Variants in FSTL5 observed in about 807,000 individuals in gnomAD.
FSTL5 encodes follistatin-related protein 5.
Under a neutral mutation model 89.1 loss-of-function variants are expected in FSTL5, and 62 were observed. That is an observed-to-expected ratio of 0.70 (90% CI 0.57 to 0.86). FSTL5 has a LOEUF of 0.86. Ranked by LOEUF, FSTL5 falls within the 40% of genes least tolerant of loss-of-function variation. The pLI, the probability that FSTL5 is intolerant of heterozygous loss-of-function variation, is 0.00. For synonymous variants in FSTL5, 383 were observed against 346.2 expected (o/e 1.11, Z -1.18); for missense variants, 1,057 against 1,001.6 (o/e 1.06, Z -0.75).
chr4:161,455,549 A>G (rs1277881016), intron 14 of FSTL5, among the ~76,000 whole-genome samples: 2 of 152,116 alleles, frequency 1.3e-5, no homozygotes, highest in Admixed American at 6.6e-5. Context: ...CATATGAAAC[A>G]TTTTAAATTT....
chr4:161,571,849 C>T (rs748069810), intron 8 of FSTL5, among the ~76,000 whole-genome samples: 2 of 152,120 alleles, frequency 1.3e-5, no homozygotes, highest in African/African-American at 4.8e-5. Context: ...CAAGAGGCAT[C>T]GTGAGTGTCT....
intron 8 of FSTL5, among the ~76,000 whole-genome samples, chr4:161,585,211 T>C (rs555212786): frequency 6.6e-6 from 1 of 152,292 alleles, no homozygotes; most frequent in African/African-American, 2.4e-5. Context: ...TTCATGGGTT[T>C]CCCAGCTGGA....
intron 15 of FSTL5, among the ~76,000 whole-genome samples, chr4:161,431,376 A>G (rs1732362045): frequency 6.6e-6 from 1 of 152,102 alleles, no homozygotes; most frequent in Non-Finnish European, 1.5e-5. Context: ...TTATGTAGTC[A>G]GTATTAAATA....
intron 15 of FSTL5, among the ~76,000 whole-genome samples, chr4:161,450,158 A>G (rs1158242595): frequency 6.6e-6 from 1 of 152,126 alleles, no homozygotes; most frequent in East Asian, 1.9e-4. Flanking sequence ...TCATTGCTTA[A>G]TGTCTGCTAC....
At chr4:161,425,928 G>A (rs1205889698) in intron 15 of FSTL5, among the ~76,000 whole-genome samples, 3 of 149,962 alleles carry the variant, frequency 2.0e-5, no homozygotes, top group African/African-American at 7.4e-5. Context: ...TAAAGGTGCT[G>A]TAGGGATTTT....
At chr4:162,123,242 C>T (rs1020783515) in intron 1 of FSTL5, among the ~76,000 whole-genome samples, 2 of 152,104 alleles carry the variant, frequency 1.3e-5, no homozygotes, top group African/African-American at 4.8e-5. Flanking sequence ...ACTTAATTTC[C>T]TCTGTATTTA....
chr4:161,930,457 T>C (rs1400701157), intron 3 of FSTL5, among the ~76,000 whole-genome samples: 1 of 151,948 alleles, frequency 6.6e-6, no homozygotes, highest in Non-Finnish European at 1.5e-5. Context: ...CAAAGCACTA[T>C]GCTTCCATGA....
intron 13 of FSTL5, among the ~76,000 whole-genome samples, chr4:161,477,584 C>A (rs1477671657): frequency 6.6e-6 from 1 of 151,382 alleles, no homozygotes; most frequent in Non-Finnish European, 1.5e-5. Flanking sequence ...TTTTCCTTCT[C>A]TTTTCCTAAA....
At chr4:161,801,763 T>G (rs1729801265) in intron 4 of FSTL5, among the ~76,000 whole-genome samples, 1 of 151,530 alleles carries the variant, frequency 6.6e-6, no homozygotes, top group Admixed American at 6.6e-5. Flanking sequence ...GAAAATTGTC[T>G]CTACATAGTA....
At chr4:161,891,962 G>A (rs1733002170) in intron 4 of FSTL5, among the ~76,000 whole-genome samples, 1 of 151,944 alleles carries the variant, frequency 6.6e-6, no homozygotes, top group Non-Finnish European at 1.5e-5. Context: ...TGCCATCATG[G>A]AAGTCCATAT....
At chr4:161,835,757 C>A (rs571594189) in intron 4 of FSTL5, among the ~76,000 whole-genome samples, 2 of 152,278 alleles carry the variant, frequency 1.3e-5, no homozygotes, top group East Asian at 3.9e-4. Context: ...CAATGGGATA[C>A]CATCCCACAC....
At chr4:161,401,980 A>G (rs998345456) in intron 15 of FSTL5, among the ~76,000 whole-genome samples, 11 of 152,076 alleles carry the variant, frequency 7.2e-5, no homozygotes, top group Non-Finnish European at 1.2e-4. Context: ...ATTGATTTTA[A>G]ATTTCTTATA....
intron 15 of FSTL5, among the ~76,000 whole-genome samples, chr4:161,436,577 T>C (rs1214785338): frequency 1.3e-5 from 2 of 152,226 alleles, no homozygotes; most frequent in African/African-American, 4.8e-5. Flanking sequence ...AAGTGTCTCA[T>C]TGACACATTT....
chr4:162,143,891 T>G (rs1000713929), intron 1 of FSTL5, among the ~76,000 whole-genome samples: 1 of 152,128 alleles, frequency 6.6e-6, no homozygotes, highest in Non-Finnish European at 1.5e-5. Flanking sequence ...AAGTTTTTTG[T>G]ATTTTTCCCT....
In FSTL5 at chr4:162,014,124, G is replaced by C. The variant is rs374480101; in HGVS notation, c.160+19501C>G. On this transcript the variant is annotated intron_variant, in intron 3 of 15. Transcript: ENST00000306100. ...ACCCTGCATCTGTGGAGGCAAGTGG[G>C]AGGCTCAGGAGATACCACCAGTGAG... 1.2e-4 allele frequency among the ~76,000 whole-genome samples: 18 copies of C among 152,308 alleles called. No individual in the cohort carries two copies. The East Asian group carries it at 3.5e-3, about 29-fold the overall frequency.
intron 8 of FSTL5, among the ~76,000 whole-genome samples, chr4:161,574,198 C>T (rs1042939220): frequency 1.3e-5 from 2 of 152,086 alleles, no homozygotes; most frequent in Non-Finnish European, 2.9e-5. Flanking sequence ...TGCAAGTCTC[C>T]CCTTTGCCAT....
At chr4:161,683,823 G>C (rs1737609864) in intron 6 of FSTL5, among the ~76,000 whole-genome samples, 1 of 152,074 alleles carries the variant, frequency 6.6e-6, no homozygotes, top group South Asian at 2.1e-4. Flanking sequence ...GTGGTGATTT[G>C]TCAGATTTTT....
chr4:161,406,959 C>T (rs17041019), intron 15 of FSTL5, among the ~76,000 whole-genome samples: 23,783 of 152,046 alleles, frequency 0.16, 2,008 homozygotes, highest in East Asian at 0.24. Flanking sequence ...TTTATATTCA[C>T]TGTTTTTTAT....
chr4:161,578,898 A>T (rs941743616), intron 8 of FSTL5, among the ~76,000 whole-genome samples: 16 of 151,892 alleles, frequency 1.1e-4, no homozygotes, highest in Admixed American at 3.3e-4. Context: ...TATTTAATTT[A>T]AAAAAAAGTA....
Sources: gnomAD v4.1 joint callset for allele counts (sites outside exome capture counted in the v4.1 genomes callset) on GRCh38, gnomAD v4.1.1 for gene constraint, MANE v1.5 for transcripts, NCBI Gene and HGNC (gene_info 2026-07-23, HGNC 2026-07-21) for gene names.